Variants in GLI3 observed in about 807,000 individuals in gnomAD.
The protein encoded by GLI3 is GLI family zinc finger 3.
A neutral mutation model predicts 100.8 loss-of-function variants in GLI3; 20 were observed. That is an observed-to-expected ratio of 0.20 (90% confidence interval 0.14 to 0.29). The LOEUF is 0.29. GLI3 is among the 10% of genes least tolerant of loss of function. GLI3 has a pLI of 1.00. For missense variants in GLI3, 2,040 were observed against 2,128.5 expected, an observed-to-expected ratio of 0.96 and a Z score of 0.82; for synonymous variants, 938 against 860.5, an observed-to-expected ratio of 1.09 and a Z score of -1.58.
At chr7:42,212,027 C>G (rs1007662370) in intron 2 of GLI3, among the ~76,000 whole-genome samples, 4 of 152,152 alleles carry the variant, frequency 2.6e-5, no homozygotes, top group African/African-American at 9.7e-5. Context: ...GCAATTGATC[C>G]CTACTCTAGG....
chr7:42,208,464 G>A (rs1216536214), intron 2 of GLI3, among the ~76,000 whole-genome samples: 1 of 152,116 alleles, frequency 6.6e-6, no homozygotes, highest in African/African-American at 2.4e-5. Flanking sequence ...GCATCTGAAC[G>A]CTGCTGCCTA....
At position 42,045,418 on chromosome 7, in the gene GLI3, C is replaced by A. The variant is rs763668102; in HGVS notation, c.792G>T (p.Gly264=). The A allele has an allele frequency of 3.7e-6, 6 of 1,614,066 alleles. No homozygotes were observed. The highest frequency in any genetic ancestry group is 1.1e-5 in the South Asian group (1 of 91,080). ...CATGAAGATATTCCATGTGGATGGC[C>A]CCCGTGCCGGCGGTGGCAGCTGAGG... ...IIPSAATAGT[G]AIHMEYLHAM... The change falls in exon 6 of 15, where the codon GGG becomes GGT. Residue 264 remains glycine, a synonymous_variant. Transcript: ENST00000395925.
Position 41,965,680 on chromosome 7 carries a change from C to T in GLI3, c.3393G>A (p.Ala1131=). 1 of 1,613,130 alleles carries T rather than the reference C, an allele frequency of 6.2e-7. No homozygotes were observed. ...KVPHGPGDFD[A]PGLPDSHAGQ... is the part of the protein sequence containing the mutation. ...CAGCGTGGCTGTCTGGCAGCCCGGG[C>T]GCGTCAAAGTCACCGGGCCCGTGGG... Residue 1131 remains alanine, a synonymous_variant, in exon 15 of 15, where the codon GCG becomes GCA. Coordinates refer to ENST00000395925, the MANE Select transcript of GLI3 (RefSeq NM_000168.6).
At chr7:42,096,763 A>G (rs1367655511) in intron 3 of GLI3, among the ~76,000 whole-genome samples, 2 of 152,190 alleles carry the variant, frequency 1.3e-5, no homozygotes, top group African/African-American at 4.8e-5. Context: ...GAACTCTGCC[A>G]TGGAAATCAG....
chr7:42,152,767 A>G (rs576001962), intron 2 of GLI3, among the ~76,000 whole-genome samples: 1 of 152,364 alleles, frequency 6.6e-6, no homozygotes, highest in African/African-American at 2.4e-5. Flanking sequence ...AAACTTAACA[A>G]GAGTTGCTAT....
upstream of GLI3, among the ~76,000 whole-genome samples, chr7:42,238,217 A>AC (rs1226404696): frequency 6.7e-6 from 1 of 149,920 alleles, no homozygotes; most frequent in Non-Finnish European, 1.5e-5. Flanking sequence ...CCGCCAGGAC[A>AC]CCCCCCAAAT....
intron 10 of GLI3, among the ~76,000 whole-genome samples, chr7:42,013,223 T>C (rs1294465281): frequency 6.6e-6 from 1 of 152,350 alleles, no homozygotes; most frequent in East Asian, 1.9e-4. Flanking sequence ...CTGTCTATTT[T>C]ATTTGTCTAA....
In GLI3 at chr7:41,962,057, A is replaced by G. The variant is rs985962539; in HGVS notation, c.*2273T>C. On this transcript the variant is annotated 3_prime_UTR_variant, in exon 15 of 15. Transcript: ENST00000395925. ...GAAAGAGCAGAAGCACAAGACAACA[A>G]CAGTGGTGGGCCGGATCACTGTGCA... The G allele has an allele frequency of 4.6e-5, 7 of 152,226 alleles. No homozygotes were observed. Among genetic ancestry groups the G allele is most frequent in the African/African-American group, 1.7e-4 (7 of 41,456 alleles). The allele number at this position is 152,226 out of a possible 1,614,324, so 9.4% of individuals were successfully genotyped here.
intron 6 of GLI3, among the ~76,000 whole-genome samples, chr7:42,042,266 G>A (rs913102211): frequency 2.6e-5 from 4 of 151,918 alleles, no homozygotes; most frequent in African/African-American, 9.7e-5. Context: ...CGCCAGTCTC[G>A]GCCTCCCAAA....
chr7:42,132,300 C>T (rs1786306039), intron 3 of GLI3, among the ~76,000 whole-genome samples: 2 of 151,366 alleles, frequency 1.3e-5, no homozygotes, highest in African/African-American at 4.9e-5. Context: ...TGGGGTTTCA[C>T]CATGTTAGCC....
intron 2 of GLI3, among the ~76,000 whole-genome samples, chr7:42,215,523 G>A (rs1788359682): frequency 2.0e-5 from 3 of 152,060 alleles, no homozygotes; most frequent in Admixed American, 2.0e-4. Context: ...TCCACTATTT[G>A]GTGGTTGTTT....
At chr7:41,969,436 T>C (rs1435436763) in intron 13 of GLI3, among the ~76,000 whole-genome samples, 2 of 152,214 alleles carry the variant, frequency 1.3e-5, no homozygotes, top group African/African-American at 4.8e-5. Context: ...GCTATCATGG[T>C]ACATACACCC....
intron 2 of GLI3, among the ~76,000 whole-genome samples, chr7:42,212,717 C>T (rs1467697971): frequency 6.6e-6 from 1 of 152,204 alleles, no homozygotes. Flanking sequence ...AGATCAGTGA[C>T]ATCATTAGCG....
At chr7:42,228,234 A>G (rs971156733) in intron 1 of GLI3, among the ~76,000 whole-genome samples, 3 of 152,164 alleles carry the variant, frequency 2.0e-5, no homozygotes, top group African/African-American at 4.8e-5. Flanking sequence ...GCCAGCAAAC[A>G]GAACATGCTG....
chr7:42,027,803 G>A (rs947666901), intron 7 of GLI3, among the ~76,000 whole-genome samples: 10 of 152,108 alleles, frequency 6.6e-5, no homozygotes, highest in African/African-American at 2.4e-4. Context: ...CCTTAATAAA[G>A]GAAAGCAGAA....
intron 13 of GLI3, among the ~76,000 whole-genome samples, chr7:41,968,203 T>C (rs769196536): frequency 1.2e-4 from 18 of 152,174 alleles, no homozygotes; most frequent in Non-Finnish European, 2.2e-4. Flanking sequence ...TCGCCAACTC[T>C]GCAGACATAC....
chr7:42,205,276 TC>T (rs1788126583), intron 2 of GLI3, among the ~76,000 whole-genome samples: 1 of 152,206 alleles, frequency 6.6e-6, no homozygotes, highest in African/African-American at 2.4e-5. Flanking sequence ...ACCAGCATTA[TC>T]TTAAGTCTGG....
chr7:42,145,321 T>G (rs1786675227), intron 3 of GLI3: 8 of 372,554 alleles, frequency 2.1e-5, no homozygotes, highest in Non-Finnish European at 3.3e-5. Flanking sequence ...TACTATATCT[T>G]TTATGTTCCT....
chr7:42,044,293 GTCCTAT>G (rs1366301908), intron 6 of GLI3, among the ~76,000 whole-genome samples: 2 of 152,208 alleles, frequency 1.3e-5, no homozygotes, highest in Non-Finnish European at 2.9e-5. Context: ...TCATACTGTT[GTCCTAT>G]TCAAAGGTAG....
Sources: gnomAD v4.1 joint callset for allele counts (sites outside exome capture counted in the v4.1 genomes callset) on GRCh38, gnomAD v4.1.1 for gene constraint, MANE v1.5 for transcripts, NCBI Gene and HGNC (gene_info 2026-07-23, HGNC 2026-07-21) for gene names.